PRMT1: variants seen among roughly 807,000 people sequenced by gnomAD.
The protein encoded by PRMT1 is protein arginine N-methyltransferase 1.
In PRMT1, 5 loss-of-function variants were observed where a neutral mutation model predicts 47.4. The observed-to-expected ratio is 0.11, with a 90% CI of 0.06 to 0.22. The LOEUF is 0.22. Ranked by LOEUF, PRMT1 falls within the 10% of genes least tolerant of loss-of-function variation. PRMT1 has a pLI of 1.00. For missense variants in PRMT1, 249 were observed against 518.4 expected (o/e 0.48, Z 5.05); for synonymous variants, 227 against 204.6 (o/e 1.11, Z -0.94).
intron 5 of PRMT1, among the ~76,000 whole-genome samples, chr19:49,682,550 G>A (rs1174153101): frequency 6.6e-6 from 1 of 152,182 alleles, no homozygotes; most frequent in African/African-American, 2.4e-5. Flanking sequence ...TTTCCCAGCT[G>A]CCCTCCTCTG....
intron 1 of PRMT1, chr19:49,679,632 G>C (rs2082085686): frequency 1.4e-6 from 1 of 698,382 alleles, no homozygotes; most frequent in African/African-American, 1.7e-5. Flanking sequence ...GGGCAGCGTG[G>C]GGGTGGGCCA....
intron 1 of PRMT1, 197 bp from the exon 2 acceptor site, chr19:49,679,675 C>T: frequency 1.6e-6 from 1 of 639,318 alleles, no homozygotes; most frequent in Non-Finnish European, 2.9e-6. Context: ...GATAGGAGAC[C>T]CCCCTTTCTT....
Position 49,681,828 on chromosome 19 carries a change from C to A in PRMT1, c.193-82C>A. On this transcript the variant is annotated intron_variant, in intron 3 of 10. Coordinates refer to ENST00000454376, the MANE Select transcript of PRMT1 (RefSeq NM_001536.6). The surrounding 1 kb of genome is among the most constrained non-coding windows in gnomAD (Gnocchi z 4.4). ...AGAAAGCGAGAGGGCCGAGCTCTGG[C>A]CCTCCGAGCTCTCAGGACACGCTGT... 7.0e-7 allele frequency: 1 copy of A among 1,420,690 alleles called. No individual in the cohort carries two copies. Among genetic ancestry groups the A allele is most frequent in the Non-Finnish European group, 9.5e-7 (1 of 1,052,874 alleles). The allele number at this position is 1,420,690 out of a possible 1,614,324, so 88.0% of individuals were successfully genotyped here.
chr19:49,679,035 C>T (rs971369157), intron 1 of PRMT1, among the ~76,000 whole-genome samples: 7 of 152,094 alleles, frequency 4.6e-5, no homozygotes, highest in Non-Finnish European at 2.9e-5. Context: ...AGGCACCCGC[C>T]ACCAGGCCCA....
chr19:49,684,119 AGAAGAC>A lies in PRMT1; in HGVS notation c.555+54_555+59del. On this transcript the variant is annotated intron_variant, in intron 6 of 10. Coordinates refer to ENST00000454376, the MANE Select transcript of PRMT1 (RefSeq NM_001536.6). This position sits in a 1 kb window ranked among gnomAD's most constrained non-coding sequence, Gnocchi z 6.2. ...AGCTCGCGTGGGCTGGGGTCCAGGT[AGAAGAC>A]GAAAACCACGCTCAATTTTTCCCAC... The A allele has an allele frequency of 6.2e-7, 1 of 1,606,610 alleles. No homozygotes were observed. Among genetic ancestry groups the A allele is most frequent in the Non-Finnish European group, 8.5e-7 (1 of 1,174,960 alleles).
chr19:49,686,517 TGGG>T, intron 9 of PRMT1, 85 bp from the exon 10 acceptor site: 1 of 1,041,742 alleles, frequency 9.6e-7, no homozygotes, highest in Non-Finnish European at 1.2e-6. Context: ...TCAGCTGTCA[TGGG>T]GGTGGGCATT....
Position 49,681,955 on chromosome 19 carries a change from A to T in PRMT1, c.238A>T (p.Met80Leu). The T allele has an allele frequency of 6.2e-7, 1 of 1,614,142 alleles. No individual in the cohort carries two copies. The highest frequency in any genetic ancestry group is 8.5e-7 in the Non-Finnish European group (1 of 1,180,020). ...EVRTLTYRNS[M>L]FHNRHLFKDK... ...GCGCACCCTCACTTACCGCAACTCC[A>T]TGTTTCATAACCGGCACCTCTTCAA... Residue 80 changes from methionine (M) to leucine (L), a missense_variant, in exon 4 of 11, where the codon ATG becomes TTG. By Grantham distance (15) the Met-to-Leu change is conservative. Coordinates refer to ENST00000454376, the MANE Select transcript of PRMT1 (RefSeq NM_001536.6). The surrounding 1 kb of genome is among the most constrained non-coding windows in gnomAD (Gnocchi z 4.4).
chr19:49,687,791 C>T (rs1484204661), intron 10 of PRMT1: 2 of 317,132 alleles, frequency 6.3e-6, no homozygotes, highest in South Asian at 3.6e-5. Context: ...GTGGAGACAG[C>T]AGGCTGGACC....
At chr19:49,679,580 C>G in intron 1 of PRMT1, 1 of 680,380 alleles carries the variant, frequency 1.5e-6, no homozygotes, top group Non-Finnish European at 2.7e-6. Context: ...ATTCCCCTGG[C>G]CTGGATGGGG....
chr19:49,686,649 A>G lies in PRMT1; in HGVS notation c.955A>G (p.Met319Val). ...GCACTGGAAGCAGACGGTGTTCTAC[A>G]TGGAGGACTACCTGACCGTGAAGAC... is the stretch of plus-strand genomic sequence containing the variant. ...YTHWKQTVFY[M>V]EDYLTVKTGE... The change falls in exon 10 of 11, where the codon ATG (methionine) becomes GTG (valine). Residue 319 changes from methionine (M) to valine (V), a missense_variant. Physicochemically the swap from Met to Val is conservative, Grantham distance 21. Transcript: ENST00000454376. 1.9e-6 allele frequency: 3 copies of G among 1,612,192 alleles called. No homozygotes were observed. Among genetic ancestry groups the G allele is most frequent in the Non-Finnish European group, 2.5e-6 (3 of 1,179,568 alleles).
In PRMT1 at chr19:49,680,433, G is replaced by C; in HGVS notation, c.91-54G>C. 7.0e-7 allele frequency: 1 copy of C among 1,427,382 alleles called. No individual in the cohort carries two copies. Among genetic ancestry groups the C allele is most frequent in the Non-Finnish European group, 9.9e-7 (1 of 1,010,590 alleles). The allele number at this position is 1,427,382 out of a possible 1,614,324, so 88.4% of individuals were successfully genotyped here. A position where few individuals can be genotyped will look rare whatever the true frequency, so the allele number is the denominator to read the frequency against. On this transcript the variant is annotated intron_variant, in intron 2 of 10. Transcript: ENST00000454376. The surrounding 1 kb of genome is among the most constrained non-coding windows in gnomAD (Gnocchi z 4.2). Reference sequence around the variant, plus strand: ...GAAAAGTAGGGCGCTGGAGGTTTAAGAGGCTGTGGGGAGCCCCCAGATCTG... The same window carrying C: ...GAAAAGTAGGGCGCTGGAGGTTTAACAGGCTGTGGGGAGCCCCCAGATCTG...
At chr19:49,677,658 G>A (rs547322687) in intron 1 of PRMT1, 2 of 216,930 alleles carry the variant, frequency 9.2e-6, no homozygotes, top group South Asian at 3.6e-4. Flanking sequence ...GCGGGACAAA[G>A]GCCCCGCCCC....
rs1470198743 is a variant in PRMT1 at position 49,680,021 on chromosome 19, C to T, written c.90+96C>T. On this transcript the variant is annotated intron_variant, in intron 2 of 10. Transcript: ENST00000454376. This position sits in a 1 kb window ranked among gnomAD's most constrained non-coding sequence, Gnocchi z 4.2. ...CCTTTCTTGAGGTCTAACCATACCC[C>T]TCTTGCTTCAAACCAGTTTACCCCA... The T allele has an allele frequency of 7.4e-6, 10 of 1,345,660 alleles. No individual in the cohort carries two copies. Among genetic ancestry groups the T allele is most frequent in the Admixed American group, 5.9e-5 (3 of 50,868 alleles). The allele number at this position is 1,345,660 out of a possible 1,614,324, so 83.4% of individuals were successfully genotyped here. A position where few individuals can be genotyped will look rare whatever the true frequency, so the allele number is the denominator to read the frequency against.
chr19:49,677,329 A>C lies in PRMT1; in HGVS notation c.36+13A>C. On this transcript the variant is annotated intron_variant, in intron 1 of 10. Transcript: ENST00000454376. ...CTGCATCATGGAGGTGAGCGCTTGG[A>C]GCGCCGCCGTGGGCGGGAGGCGGCT... 7.2e-7 allele frequency: 1 copy of C among 1,392,884 alleles called. No individual in the cohort carries two copies. Among genetic ancestry groups the C allele is most frequent in the Non-Finnish European group, 9.4e-7 (1 of 1,068,768 alleles). The allele number at this position is 1,392,884 out of a possible 1,614,324, so 86.3% of individuals were successfully genotyped here.
chr19:49,685,324 G>A lies in PRMT1; in HGVS notation c.759+287G>A. On this transcript the variant is annotated intron_variant, in intron 8 of 10. Coordinates refer to ENST00000454376, the MANE Select transcript of PRMT1 (RefSeq NM_001536.6). The surrounding 1 kb of genome is among the most constrained non-coding windows in gnomAD (Gnocchi z 4.7). Reference sequence around the variant, plus strand: ...CCATGCACGGAAAGGCAGGACCCCAGGGCGATGAGCGGATGCACATGCACG... The same window carrying A: ...CCATGCACGGAAAGGCAGGACCCCAAGGCGATGAGCGGATGCACATGCACG... 1 of 1,348,192 alleles carries A rather than the reference G, an allele frequency of 7.4e-7. No individual in the cohort carries two copies. Among genetic ancestry groups the A allele is most frequent in the Non-Finnish European group, 9.6e-7 (1 of 1,042,974 alleles). 83.5% of individuals were successfully genotyped at this position (1,348,192 alleles called of 1,614,324 possible).
Position 49,680,392 on chromosome 19 carries a change from T to TA in PRMT1, c.91-94dup. The TA allele has an allele frequency of 8.5e-7, 1 of 1,180,754 alleles. No homozygotes were observed. Among genetic ancestry groups the TA allele is most frequent in the Non-Finnish European group, 1.3e-6 (1 of 794,782 alleles). The allele number at this position is 1,180,754 out of a possible 1,614,324, so 73.1% of individuals were successfully genotyped here. ...TGTCATGGTATGATTTTGGGGGTTC[T>TA]ATACTACTCTTCAGGGAAAAGTAGG... On this transcript the variant is annotated intron_variant, in intron 2 of 10. Transcript: ENST00000454376. This position sits in a 1 kb window ranked among gnomAD's most constrained non-coding sequence, Gnocchi z 4.2.
intron 1 of PRMT1, 66 bp from the exon 2 acceptor site, chr19:49,679,805 TC>T: frequency 1.5e-6 from 2 of 1,308,280 alleles, no homozygotes; most frequent in South Asian, 2.5e-5. Flanking sequence ...GAGCCCAGGT[TC>T]CGCCACCCAG....
chr19:49,679,477 C>T (rs1180717673), intron 1 of PRMT1: 1 of 498,232 alleles, frequency 2.0e-6, no homozygotes, highest in African/African-American at 1.9e-5. Flanking sequence ...TTCATGGCAC[C>T]CTAGGATAGG....
chr19:49,676,693 G>A (rs1414445794), upstream of PRMT1, among the ~76,000 whole-genome samples: 1 of 152,154 alleles, frequency 6.6e-6, no homozygotes. Flanking sequence ...GGGTTGGGAG[G>A]ATCCACCGAG....
Sources: allele counts gnomAD v4.1 joint callset (sites outside exome capture counted in the v4.1 genomes callset), GRCh38; gene constraint gnomAD v4.1.1; non-coding constraint Gnocchi (gnomAD v3.1); transcripts MANE v1.5; gene names NCBI Gene and HGNC (gene_info 2026-07-23, HGNC 2026-07-21).